Variants in ACTN1 observed in about 807,000 individuals in gnomAD.
ACTN1 encodes actinin alpha 1.
ACTN1 carries 30 observed loss-of-function variants against 119.6 expected under a neutral mutation model. The ratio of observed to expected loss-of-function variants is 0.25; its 90% confidence interval spans 0.19 to 0.34. The LOEUF (loss-of-function observed/expected upper bound fraction) is 0.34, where lower values mean the gene tolerates loss of function less well. ACTN1 is among the 10% of genes least tolerant of loss of function. ACTN1 has a pLI of 1.00. For missense variants in ACTN1, 764 were observed against 1,223.4 expected, an observed-to-expected ratio of 0.62 and a Z score of 5.60; for synonymous variants, 429 against 472.6, an observed-to-expected ratio of 0.91 and a Z score of 1.20.
intron 1 of ACTN1, among the ~76,000 whole-genome samples, chr14:68,952,988 G>A (rs1005918810): frequency 1.3e-5 from 2 of 152,094 alleles, no homozygotes; most frequent in Non-Finnish European, 2.9e-5. Flanking sequence ...TCCTGAGAGG[G>A]TCGGGGGGAT....
chr14:68,896,305 G>A (rs966244418), intron 8 of ACTN1, among the ~76,000 whole-genome samples: 28 of 152,114 alleles, frequency 1.8e-4, no homozygotes, highest in Admixed American at 6.5e-5. Context: ...GAAGCCCACT[G>A]GGTGGTGAGT....
chr14:68,948,570 TC>T (rs2036020969), intron 1 of ACTN1, among the ~76,000 whole-genome samples: 1 of 151,490 alleles, frequency 6.6e-6, no homozygotes, highest in Non-Finnish European at 1.5e-5. Context: ...ACAGCAAGAC[TC>T]CATCTTAAAA....
chr14:68,978,053 GC>G, intron 1 of ACTN1: 1 of 456,012 alleles, frequency 2.2e-6, no homozygotes, highest in Non-Finnish European at 4.4e-6. Context: ...GGGTCCCATC[GC>G]CAGCTCCGAG....
rs1344968990 is a variant in ACTN1, at chr14:68,882,737, C to A, written c.1818+136G>T. The A allele has an allele frequency of 7.3e-6, 11 of 1,501,242 alleles. No homozygotes were observed. Among genetic ancestry groups the A allele is most frequent in the African/African-American group, 1.4e-5 (1 of 72,590 alleles). 93.0% of individuals were successfully genotyped at this position (1,501,242 alleles called of 1,614,324 possible). ...TGTCAACCTGTTCTGGAAACCCAGTCATTTGACATTTGGACAAACAATGAG... is the reference window on the plus strand; with the variant it reads ...TGTCAACCTGTTCTGGAAACCCAGTAATTTGACATTTGGACAAACAATGAG... On this transcript the variant is annotated intron_variant, in intron 15 of 21. Transcript: ENST00000394419. This position sits in a 1 kb window ranked among gnomAD's most constrained non-coding sequence, Gnocchi z 4.5.
At chr14:68,940,055 G>A (rs971326132) in intron 1 of ACTN1, among the ~76,000 whole-genome samples, 4 of 152,150 alleles carry the variant, frequency 2.6e-5, no homozygotes, top group Admixed American at 2.0e-4. Context: ...CACCCGCTCC[G>A]GGAGGCCAGT....
chr14:68,977,958 C>T (rs1407714404), intron 1 of ACTN1: 2 of 456,028 alleles, frequency 4.4e-6, no homozygotes, highest in Non-Finnish European at 8.8e-6. Flanking sequence ...ACCGCGCAGG[C>T]AGGAAGCAGC....
At chr14:68,943,820 C>T (rs2035844009) in intron 1 of ACTN1, among the ~76,000 whole-genome samples, 1 of 152,242 alleles carries the variant, frequency 6.6e-6, no homozygotes, top group African/African-American at 2.4e-5. Flanking sequence ...CACAGTCACA[C>T]AGCTGGCAAG....
At chr14:68,936,243 C>G (rs1297489083) in intron 1 of ACTN1, among the ~76,000 whole-genome samples, 1 of 152,180 alleles carries the variant, frequency 6.6e-6, no homozygotes, top group African/African-American at 2.4e-5. Flanking sequence ...ATTTCATCTC[C>G]ATGAACTCAA....
intron 1 of ACTN1, among the ~76,000 whole-genome samples, chr14:68,957,323 T>C (rs2036382367): frequency 6.6e-6 from 1 of 152,184 alleles, no homozygotes; most frequent in Non-Finnish European, 1.5e-5. Flanking sequence ...ACCTGTGACC[T>C]CCAGCTGTGG....
chr14:68,918,024 G>A (rs982767645), intron 3 of ACTN1, among the ~76,000 whole-genome samples: 5 of 152,328 alleles, frequency 3.3e-5, no homozygotes, highest in Admixed American at 2.6e-4. Flanking sequence ...AGCCAAGATC[G>A]TGCCATTGCA....
At chr14:68,877,265 C>A in intron 20 of ACTN1, 25 bp from the exon 21 acceptor site, 2 of 1,613,424 alleles carry the variant, frequency 1.2e-6, no homozygotes, top group Non-Finnish European at 1.7e-6. Context: ...CAAACCCAGG[C>A]CTGTCAGCCC....
At chr14:68,903,856 A>G (rs927326031) in intron 7 of ACTN1, among the ~76,000 whole-genome samples, 4 of 152,058 alleles carry the variant, frequency 2.6e-5, no homozygotes, top group Non-Finnish European at 4.4e-5. Flanking sequence ...ACACAGGGAG[A>G]GGGGCAATGG....
intron 6 of ACTN1, among the ~76,000 whole-genome samples, chr14:68,908,737 T>C (rs1381425474): frequency 6.6e-6 from 1 of 152,112 alleles, no homozygotes; most frequent in Non-Finnish European, 1.5e-5. Flanking sequence ...AGAACCACCA[T>C]GAGGCTAGAA....
At chr14:68,933,794 C>T (rs908400815) in intron 1 of ACTN1, among the ~76,000 whole-genome samples, 2 of 151,970 alleles carry the variant, frequency 1.3e-5, no homozygotes, top group East Asian at 3.9e-4. Context: ...CCAGCCTGGG[C>T]AACTTCATCT....
intron 11 of ACTN1, chr14:68,888,246 G>C: frequency 2.7e-6 from 1 of 368,854 alleles, no homozygotes; most frequent in Non-Finnish European, 5.1e-6. Flanking sequence ...TAGTAAAATT[G>C]GTAGAACTGA....
intron 1 of ACTN1, among the ~76,000 whole-genome samples, chr14:68,967,964 C>G (rs2036758354): frequency 6.6e-6 from 1 of 152,228 alleles, no homozygotes; most frequent in South Asian, 2.1e-4. Flanking sequence ...TTCCCAAATT[C>G]ACGCACCTTT....
chr14:68,972,168 A>G (rs1034689999), intron 1 of ACTN1, among the ~76,000 whole-genome samples: 1 of 151,994 alleles, frequency 6.6e-6, no homozygotes, highest in Non-Finnish European at 1.5e-5. Context: ...CCTCTCCCCA[A>G]CCCACCCAGT....
chr14:68,880,032 G>A lies in ACTN1; in HGVS notation c.2210C>T (p.Thr737Ile). Residue 737 changes from threonine (T) to isoleucine (I), a missense_variant, in exon 18 of 22, where the codon ACC becomes ATC. This residue lies in a region of ACTN1 where 544 missense variants were observed against 912.0 expected (regional missense o/e 0.60). Transcript: ENST00000394419. The surrounding 1 kb of genome is among the most constrained non-coding windows in gnomAD (Gnocchi z 4.6). The stretch of plus-strand genomic sequence containing the variant: ...CTGGCTGATGCCCTTGGCATCCCGG[G>A]TCAGGATCTGGTTCTCTACCTCATT... ...TINEVENQIL[T>I]RDAKGISQEQ... 6.2e-7 allele frequency: 1 copy of A among 1,614,200 alleles called. No homozygotes were observed. The highest frequency in any genetic ancestry group is 8.5e-7 in the Non-Finnish European group (1 of 1,180,014).
At chr14:68,916,164 C>T (rs997503075) in intron 3 of ACTN1, among the ~76,000 whole-genome samples, 4 of 152,062 alleles carry the variant, frequency 2.6e-5, no homozygotes, top group Non-Finnish European at 4.4e-5. Context: ...TTTTTTAAGC[C>T]TAGAAAAAAG....
Sources: gnomAD v4.1 joint callset for allele counts (sites outside exome capture counted in the v4.1 genomes callset) on GRCh38, gnomAD v4.1.1 for gene constraint, gnomAD v4.1.1 regional missense constraint, Gnocchi (gnomAD v3.1) non-coding constraint, MANE v1.5 for transcripts, NCBI Gene and HGNC (gene_info 2026-07-23, HGNC 2026-07-21) for gene names.